The following ANKMY2 variants were observed in gnomAD, a reference collection of about 807,000 sequenced individuals.
ANKMY2 encodes ankyrin repeat and MYND domain-containing protein 2.
In ANKMY2, 36 loss-of-function variants were observed where a neutral mutation model predicts 50.4. The observed-to-expected ratio is 0.71, with a 90% CI of 0.55 to 0.94. The LOEUF (loss-of-function observed/expected upper bound fraction) is 0.94, where lower values mean the gene tolerates loss of function less well. ANKMY2 is among the 40% of genes least tolerant of loss of function. The probability of loss-of-function intolerance (pLI) is 0.00; values close to 1 mark genes in which losing one functional copy is unlikely to be tolerated. For synonymous variants in ANKMY2, 187 were observed against 178.8 expected, an observed-to-expected ratio of 1.05 and a Z score of -0.36; for missense variants, 565 against 524.0, an observed-to-expected ratio of 1.08 and a Z score of -0.76.
intron 1 of ANKMY2, among the ~76,000 whole-genome samples, chr7:16,637,494 G>C (rs923524048): frequency 6.6e-6 from 1 of 151,826 alleles, no homozygotes; most frequent in Non-Finnish European, 1.5e-5. Flanking sequence ...GCTCTGTTGG[G>C]AAAATGTCAA....
rs554596455 is a variant in ANKMY2, at chr7:16,639,552, G to A, written c.68-3097C>T. Reference sequence around the variant, plus strand: ...ATCTGGATGAACAAGCATTTTAGGAGAGAAAAGATTATGTACATAATATTT... The same window carrying A: ...ATCTGGATGAACAAGCATTTTAGGAAAGAAAAGATTATGTACATAATATTT... On this transcript the variant is annotated intron_variant, in intron 1 of 9. Coordinates refer to ENST00000306999, the MANE Select transcript of ANKMY2 (RefSeq NM_020319.3). Among the ~76,000 whole-genome samples, 32 of 152,272 alleles carry A rather than the reference G, an allele frequency of 2.1e-4. 1 individual carries two copies. Among genetic ancestry groups the A allele is most frequent in the African/African-American group, 7.7e-4 (32 of 41,548 alleles).
intron 4 of ANKMY2, among the ~76,000 whole-genome samples, chr7:16,621,576 T>G (rs181514256): frequency 1.7e-3 from 258 of 152,258 alleles, no homozygotes; most frequent in Non-Finnish European, 2.8e-3. Context: ...AAAAAATAAC[T>G]GAAGGATATT....
At chr7:16,606,429 T>TA (rs112705631) in intron 7 of ANKMY2, among the ~76,000 whole-genome samples, 110,288 of 148,430 alleles carry the variant, frequency 0.74, 40,851 homozygotes, top group South Asian at 0.89. Flanking sequence ...ACCTTGTATT[T>TA]AAAAAAAAAA....
chr7:16,609,816 C>T (rs746260098), intron 6 of ANKMY2, 51 bp from the exon 7 acceptor site: 1 of 1,586,314 alleles, frequency 6.3e-7, no homozygotes, highest in East Asian at 2.3e-5. Context: ...TAAGCATTCT[C>T]TCCTAGTTGA....
In ANKMY2 at chr7:16,645,440, C is replaced by T. The variant is rs1323322489; in HGVS notation, c.67+67G>A. 1.6e-5 allele frequency: 23 copies of T among 1,482,446 alleles called. 1 individual carries two copies. Among genetic ancestry groups the T allele is most frequent in the South Asian group, 3.9e-5 (3 of 77,032 alleles). The allele number at this position is 1,482,446 out of a possible 1,614,324, so 91.8% of individuals were successfully genotyped here. A position where few individuals can be genotyped will look rare whatever the true frequency, so the allele number is the denominator to read the frequency against. ...CCAAAGGTCACCCAGGCCAGGAGCGCCCCCCGGGCTCCGCCACGCCCCCCG... is the reference window on the plus strand; with the variant it reads ...CCAAAGGTCACCCAGGCCAGGAGCGTCCCCCGGGCTCCGCCACGCCCCCCG... On this transcript the variant is annotated intron_variant, in intron 1 of 9. Coordinates refer to ENST00000306999, the MANE Select transcript of ANKMY2 (RefSeq NM_020319.3).
intron 5 of ANKMY2, among the ~76,000 whole-genome samples, chr7:16,613,331 G>T (rs990750577): frequency 6.6e-6 from 1 of 151,844 alleles, no homozygotes; most frequent in Non-Finnish European, 1.5e-5. Context: ...TTACACAGTG[G>T]TTATTAGTTT....
intron 1 of ANKMY2, among the ~76,000 whole-genome samples, chr7:16,640,821 G>A (rs1266130350): frequency 6.6e-6 from 1 of 152,120 alleles, no homozygotes; most frequent in African/African-American, 2.4e-5. Context: ...GAGCCACTAT[G>A]TCCAGCTGGA....
chr7:16,610,319 C>CGAGGA (rs1281621052), intron 6 of ANKMY2, among the ~76,000 whole-genome samples: 1 of 152,162 alleles, frequency 6.6e-6, no homozygotes, highest in African/African-American at 2.4e-5. Flanking sequence ...TCAGATTCCT[C>CGAGGA]ATCTGTAAAT....
chr7:16,630,933 A>C (rs567453485), intron 2 of ANKMY2, among the ~76,000 whole-genome samples: 1 of 152,332 alleles, frequency 6.6e-6, no homozygotes, highest in South Asian at 2.1e-4. Context: ...TGCTGTGTTC[A>C]AGGATCATCA....
At chr7:16,607,493 G>T (rs564904696) in intron 7 of ANKMY2, among the ~76,000 whole-genome samples, 7 of 151,956 alleles carry the variant, frequency 4.6e-5, no homozygotes, top group African/African-American at 1.5e-4. Context: ...GCTTGAACCC[G>T]GAAGACTGAG....
intron 1 of ANKMY2, among the ~76,000 whole-genome samples, chr7:16,639,951 G>C (rs1327385566): frequency 6.6e-6 from 1 of 151,756 alleles, no homozygotes; most frequent in Non-Finnish European, 1.5e-5. Context: ...CCTGAGGTCA[G>C]GAGTTTGAGA....
chr7:16,642,016 A>G (rs961044792), intron 1 of ANKMY2, among the ~76,000 whole-genome samples: 3 of 150,062 alleles, frequency 2.0e-5, no homozygotes, highest in African/African-American at 7.4e-5. Context: ...AAACTGATTA[A>G]AAAGTGTGTA....
intron 7 of ANKMY2, 91 bp from the exon 8 acceptor site, chr7:16,604,940 C>T (rs1414021367): frequency 4.9e-6 from 6 of 1,234,010 alleles, no homozygotes; most frequent in Admixed American, 3.0e-5. Context: ...TGCCGTCCTA[C>T]AATGTGACAC....
chr7:16,636,342 T>C (rs201047891), intron 2 of ANKMY2, 49 bp downstream of exon 2: 3 of 593,198 alleles, frequency 5.1e-6, no homozygotes, highest in East Asian at 7.5e-5. Flanking sequence ...GGATATATTA[T>C]CTCTTCTTAT....
At chr7:16,619,186 T>C (rs1781399464) in intron 4 of ANKMY2, among the ~76,000 whole-genome samples, 1 of 151,300 alleles carries the variant, frequency 6.6e-6, no homozygotes, top group Admixed American at 6.6e-5. Flanking sequence ...GGAGTTTTGC[T>C]CTTTTTGCCC....
rs780052883 is a variant in ANKMY2, at chr7:16,625,062, C to A, written c.291G>T (p.Trp97Cys). 42 of 1,613,774 alleles carry A rather than the reference C, an allele frequency of 2.6e-5. No homozygotes were observed. In the South Asian group the frequency reaches 4.5e-4, roughly 17 times the overall value. ...TCTCAGCACCAGCTTCTAACATTAC[C>A]CATGTGATGTCTTTATTACCTAGAG... is the stretch of plus-strand genomic sequence containing the variant. Reference protein sequence around the residue: ...AALSGNKDITWVMLEAGAETD... With the variant: ...AALSGNKDITCVMLEAGAETD... Residue 97 changes from tryptophan to cysteine, a missense_variant, in exon 4 of 10, where the codon TGG (tryptophan) becomes TGT (cysteine). Physicochemically the swap from Trp to Cys is radical, Grantham distance 215. Coordinates refer to ENST00000306999, the MANE Select transcript of ANKMY2 (RefSeq NM_020319.3).
rs1460841855 is a variant in ANKMY2 at position 16,615,785 on chromosome 7, G to C, written c.490C>G (p.Leu164Val). The C allele has an allele frequency of 6.2e-7, 1 of 1,614,214 alleles. No individual in the cohort carries two copies. Reference sequence around the variant, plus strand: ...TTCGTTGTGGTGATAATTTTGTGCAGCGGGCCTGCCAACTTTGGGGGCAGT... The same window carrying C: ...TTCGTTGTGGTGATAATTTTGTGCACCGGGCCTGCCAACTTTGGGGGCAGT... ...PKLPPKLAGP[L>V]HKIITTTNLH... Residue 164 changes from leucine (L) to valine (V), a missense_variant, in exon 5 of 10, where the codon CTG (leucine) becomes GTG (valine). Coordinates refer to ENST00000306999, the MANE Select transcript of ANKMY2 (RefSeq NM_020319.3).
chr7:16,622,635 G>C (rs1781452228), intron 4 of ANKMY2, among the ~76,000 whole-genome samples: 1 of 152,056 alleles, frequency 6.6e-6, no homozygotes, highest in African/African-American at 2.4e-5. Flanking sequence ...AGCTAGTTGG[G>C]AGGCTGAGGC....
At chr7:16,605,063 G>T (rs951178468) in intron 7 of ANKMY2, among the ~76,000 whole-genome samples, 1 of 152,070 alleles carries the variant, frequency 6.6e-6, no homozygotes, top group Non-Finnish European at 1.5e-5. Context: ...TCAGTCATAT[G>T]TCCAGATAAT....
Sources: allele counts gnomAD v4.1 joint callset (sites outside exome capture counted in the v4.1 genomes callset), GRCh38; gene constraint gnomAD v4.1.1; transcripts MANE v1.5; gene names NCBI Gene and HGNC (gene_info 2026-07-23, HGNC 2026-07-21).